EPCAM: variants seen among roughly 807,000 people sequenced by gnomAD.
EPCAM encodes the protein adenocarcinoma-associated antigen.
Under a neutral mutation model 40.0 loss-of-function variants are expected in EPCAM, and 39 were observed. That is an observed-to-expected ratio of 0.98 (90% CI 0.76 to 1.27). The LOEUF (loss-of-function observed/expected upper bound fraction) is 1.27, where lower values mean the gene tolerates loss of function less well. EPCAM is among the 50% of genes most tolerant of loss of function. The probability of loss-of-function intolerance (pLI) is 0.00; values close to 1 mark genes in which losing one functional copy is unlikely to be tolerated. For synonymous variants in EPCAM, 168 were observed against 132.3 expected, an observed-to-expected ratio of 1.27 and a Z score of -1.85; for missense variants, 503 against 381.2, an observed-to-expected ratio of 1.32 and a Z score of -2.66.
intron 3 of EPCAM, among the ~76,000 whole-genome samples, chr2:47,374,548 C>T (rs997742756): frequency 6.6e-6 from 1 of 152,140 alleles, no homozygotes; most frequent in East Asian, 1.9e-4. Flanking sequence ...GATGTCAGGA[C>T]CAAAGTGGGC....
intron 5 of EPCAM, among the ~76,000 whole-genome samples, chr2:47,378,618 T>C (rs764696678): frequency 9.2e-5 from 14 of 152,188 alleles, no homozygotes; most frequent in Non-Finnish European, 1.8e-4. Flanking sequence ...TTCATTTCTT[T>C]AGTAATTTAG....
chr2:47,384,257 C>G (rs1207512703), intron 7 of EPCAM, among the ~76,000 whole-genome samples: 1 of 151,800 alleles, frequency 6.6e-6, no homozygotes, highest in Non-Finnish European at 1.5e-5. Flanking sequence ...GCGCCTGCCA[C>G]CACGCCTGGC....
chr2:47,369,647 T>TCGGCCCC (rs768364603), intron 1 of EPCAM, 66 bp downstream of exon 1: 125 of 1,483,106 alleles, frequency 8.4e-5, no homozygotes, highest in Non-Finnish European at 1.0e-4. Flanking sequence ...CCCCCGGCCC[T>TCGGCCCC]CGGCCCCCGA....
intron 8 of EPCAM, among the ~76,000 whole-genome samples, chr2:47,385,753 A>G (rs1438785548): frequency 6.6e-6 from 1 of 152,166 alleles, no homozygotes; most frequent in African/African-American, 2.4e-5. Flanking sequence ...TTGTAGTTGT[A>G]TGTGGGCCAC....
At chr2:47,372,546 G>T (rs1177634151) in intron 1 of EPCAM, among the ~76,000 whole-genome samples, 4 of 152,128 alleles carry the variant, frequency 2.6e-5, no homozygotes, top group African/African-American at 4.8e-5. Context: ...GGCCGAGGCG[G>T]ACGGATCATG....
intron 4 of EPCAM, among the ~76,000 whole-genome samples, chr2:47,376,255 T>C (rs1212391191): frequency 3.1e-4 from 35 of 112,798 alleles, no homozygotes; most frequent in African/African-American, 1.5e-3. Context: ...TATTTCCTCC[T>C]TTTTTTTTTT....
chr2:47,386,281 C>T (rs1558441788), intron 8 of EPCAM, among the ~76,000 whole-genome samples: 1 of 152,088 alleles, frequency 6.6e-6, no homozygotes, highest in South Asian at 2.1e-4. Context: ...TTTTTTCTAG[C>T]ATTAAAAATA....
At chr2:47,370,835 C>G (rs1671242906) in intron 1 of EPCAM, among the ~76,000 whole-genome samples, 1 of 152,086 alleles carries the variant, frequency 6.6e-6, no homozygotes, top group African/African-American at 2.4e-5. Context: ...CCTGCCTCAG[C>G]CTCCCGAGTA....
chr2:47,369,693 C>G, intron 1 of EPCAM, 112 bp downstream of exon 1: 1 of 1,151,428 alleles, frequency 8.7e-7, no homozygotes, highest in South Asian at 1.3e-5. Flanking sequence ...AGAGGCCGCG[C>G]TTTCCAGCGT....
intron 7 of EPCAM, among the ~76,000 whole-genome samples, chr2:47,382,202 A>G (rs1400110017): frequency 6.6e-6 from 1 of 152,256 alleles, no homozygotes; most frequent in African/African-American, 2.4e-5. Flanking sequence ...TAATATACAA[A>G]GAGTTCTTAC....
rs770760223 is a variant in EPCAM at position 47,378,980 on chromosome 2, C to T, written c.583C>T (p.Leu195=). ...LYENNVITID[L]VQNSSQKTQN... ...TGAGAATAATGTTATCACTATTGAT[C>T]TGGTTCAAAATTCTTCTCAAAAAAC... The change falls in exon 6 of 9, where the codon CTG becomes TTG. Residue 195 remains leucine, a synonymous_variant. Coordinates refer to ENST00000263735, the MANE Select transcript of EPCAM (RefSeq NM_002354.3). 1 of 1,585,234 alleles carries T rather than the reference C, an allele frequency of 6.3e-7. No individual in the cohort carries two copies.
rs760722807 is a variant in EPCAM at position 47,383,607 on chromosome 2, C to CTTTTTTTTTTTTTT, written c.859-1527_859-1514dup. ...CATGAGCCACTGTGCCCGGCTTCTT[C>CTTTTTTTTTTTTTT]TTTTTTTTTTTTTTTTTTTTTTTTT... is the stretch of plus-strand genomic sequence containing the variant. On this transcript the variant is annotated intron_variant, in intron 7 of 8. Coordinates refer to ENST00000263735, the MANE Select transcript of EPCAM (RefSeq NM_002354.3). Among the ~76,000 whole-genome samples, 10 of 36,476 alleles carry CTTTTTTTTTTTTTT rather than the reference C, an allele frequency of 2.7e-4. 4 individuals are homozygous for CTTTTTTTTTTTTTT. The highest frequency in any genetic ancestry group is 5.9e-4 in the Non-Finnish European group (9 of 15,162). The allele number at this position is 36,476 out of a possible 152,430, so 23.9% of individuals were successfully genotyped here.
At chr2:47,381,339 C>T (rs1671583048) in intron 7 of EPCAM, among the ~76,000 whole-genome samples, 1 of 141,426 alleles carries the variant, frequency 7.1e-6, no homozygotes, top group East Asian at 2.1e-4. Context: ...GAGGTTGCAG[C>T]TGAGATCATG....
rs1392781809 is a variant in EPCAM, at chr2:47,369,464, C to T, written c.-42C>T. 1.4e-6 allele frequency: 2 copies of T among 1,443,184 alleles called. No homozygotes were observed. The highest frequency in any genetic ancestry group is 2.3e-5 in the Admixed American group (1 of 43,654). 89.4% of individuals were successfully genotyped at this position (1,443,184 alleles called of 1,614,324 possible). On this transcript the variant is annotated 5_prime_UTR_variant, in exon 1 of 9. Transcript: ENST00000263735. ...TCCCGGCGCACGCCCTCCCGCGAGTCCCGGGCCCCTCCCGCGCCCCTCTTC... is the reference window on the plus strand; with the variant it reads ...TCCCGGCGCACGCCCTCCCGCGAGTTCCGGGCCCCTCCCGCGCCCCTCTTC...
In EPCAM at chr2:47,369,514, C is replaced by T. The variant is rs532872105; in HGVS notation, c.9C>T (p.Pro3=). 39 of 1,559,482 alleles carry T rather than the reference C, an allele frequency of 2.5e-5. No individual in the cohort carries two copies. In the South Asian group the frequency reaches 4.3e-4, roughly 17 times the overall value. MA[P]PQVLAFGLLL... Reference sequence around the variant, plus strand: ...CTCGGCGCGCGCGCAGCATGGCGCCCCCGCAGGTCCTCGCGTTCGGGCTTC... The same window carrying T: ...CTCGGCGCGCGCGCAGCATGGCGCCTCCGCAGGTCCTCGCGTTCGGGCTTC... The change falls in exon 1 of 9, where the codon CCC becomes CCT. Residue 3 remains proline, a synonymous_variant. Coordinates refer to ENST00000263735, the MANE Select transcript of EPCAM (RefSeq NM_002354.3).
chr2:47,370,403 A>T (rs966245805), intron 1 of EPCAM, among the ~76,000 whole-genome samples: 2 of 148,312 alleles, frequency 1.3e-5, no homozygotes, highest in Non-Finnish European at 3.0e-5. Flanking sequence ...TCCTGAGTAG[A>T]GTAGCTGGGA....
intron 7 of EPCAM, among the ~76,000 whole-genome samples, chr2:47,381,392 C>CAAAA (rs370875469): frequency 1.6e-3 from 115 of 73,986 alleles, no homozygotes; most frequent in Non-Finnish European, 1.7e-3. Flanking sequence ...AACTCCGTCT[C>CAAAA]AAAAAAAAAA....
At chr2:47,376,253 CCT>C (rs1491449078) in intron 4 of EPCAM, among the ~76,000 whole-genome samples, 1 of 144,206 alleles carries the variant, frequency 6.9e-6, no homozygotes, top group African/African-American at 2.7e-5. Flanking sequence ...GATATTTCCT[CCT>C]TTTTTTTTTT....
intron 4 of EPCAM, 84 bp downstream of exon 4, chr2:47,375,383 A>C (rs1671395942): frequency 1.1e-6 from 1 of 885,484 alleles, no homozygotes; most frequent in South Asian, 1.4e-5. Flanking sequence ...AGCAAGTCTA[A>C]ATGCTTTTTT....
Sources: gnomAD v4.1 joint callset for allele counts (sites outside exome capture counted in the v4.1 genomes callset) on GRCh38, gnomAD v4.1.1 for gene constraint, MANE v1.5 for transcripts, NCBI Gene and HGNC (gene_info 2026-07-23, HGNC 2026-07-21) for gene names.